The following CDK12 variants were observed in gnomAD, a reference collection of about 807,000 sequenced individuals.
The protein encoded by CDK12 is cyclin dependent kinase 12.
In CDK12, 17 loss-of-function variants were observed where a neutral mutation model predicts 133.8. The observed-to-expected ratio is 0.13, with a 90% CI of 0.09 to 0.19. CDK12 has a LOEUF of 0.19. Among genes scored for constraint, CDK12 ranks in the 10% least tolerant of loss-of-function variants. The probability of loss-of-function intolerance (pLI) is 1.00; values close to 1 mark genes in which losing one functional copy is unlikely to be tolerated. For synonymous variants in CDK12, 694 were observed against 683.6 expected (o/e 1.02, Z -0.24); for missense variants, 1,508 against 1,818.7 (o/e 0.83, Z 3.11).
chr17:39,475,356 CT>C (rs375337995), intron 2 of CDK12, among the ~76,000 whole-genome samples: 8 of 152,026 alleles, frequency 5.3e-5, no homozygotes, highest in African/African-American at 1.9e-4. Context: ...ACCTTTAGCC[CT>C]AGCTACTTGG....
intron 8 of CDK12, among the ~76,000 whole-genome samples, chr17:39,512,934 ATTATCC>A (rs1567761130): frequency 6.6e-6 from 1 of 152,100 alleles, no homozygotes; most frequent in Non-Finnish European, 1.5e-5. Context: ...CATTGTGGTT[ATTATCC>A]TTATTCTTGT....
chr17:39,466,322 A>G (rs2049304389), intron 1 of CDK12, among the ~76,000 whole-genome samples: 1 of 150,076 alleles, frequency 6.7e-6, no homozygotes, highest in South Asian at 2.1e-4. Context: ...AAAAAAAAAA[A>G]GAAAGAAAAA....
chr17:39,466,617 A>G lies in CDK12; in HGVS notation c.1046+3500A>G, dbSNP rs111630657. 2.2e-4 allele frequency among the ~76,000 whole-genome samples: 5 copies of G among 23,126 alleles called. No homozygotes were observed. The East Asian group carries it at 2.9e-3, about 13-fold the overall frequency. The allele number at this position is 23,126 out of a possible 152,430, so 15.2% of individuals were successfully genotyped here. A position where few individuals can be genotyped will look rare whatever the true frequency, so the allele number is the denominator to read the frequency against. ...GCAACAAGAGTGAAACTCTATCTGA[A>G]AAAAAAAAAAAAAAAAAAAAAAAAA... is the stretch of plus-strand genomic sequence containing the variant. On this transcript the variant is annotated intron_variant, in intron 1 of 13. Transcript: ENST00000447079.
At position 39,485,658 on chromosome 17, in the gene CDK12, G is replaced by A. The variant is rs563637155; in HGVS notation, c.1932-4899G>A. ...TTGATCTCCTGACCTCATGATCCCC[G>A]GCCTCGGCCCCCTAAAGTGCTGGGA... On this transcript the variant is annotated intron_variant, in intron 2 of 13. Coordinates refer to ENST00000447079, the MANE Select transcript of CDK12 (RefSeq NM_016507.4). Among the ~76,000 whole-genome samples the A allele has an allele frequency of 2.5e-4, 38 of 151,482 alleles. No individual in the cohort carries two copies. In the East Asian group the frequency reaches 6.6e-3, roughly 26 times the overall value.
intron 1 of CDK12, among the ~76,000 whole-genome samples, chr17:39,540,778 C>G (rs574093645): frequency 6.6e-6 from 1 of 152,194 alleles, no homozygotes; most frequent in East Asian, 1.9e-4. Context: ...TTTAGTGCGG[C>G]AGGCGGGGGT....
At chr17:39,524,008 G>C (rs1170340547) in intron 11 of CDK12, among the ~76,000 whole-genome samples, 1 of 152,200 alleles carries the variant, frequency 6.6e-6, no homozygotes, top group East Asian at 1.9e-4. Context: ...AACATATAAG[G>C]GTTTTACTGA....
chr17:39,491,506 G>T (rs2051598480), intron 3 of CDK12, among the ~76,000 whole-genome samples: 1 of 152,024 alleles, frequency 6.6e-6, no homozygotes, highest in South Asian at 2.1e-4. Context: ...AAAGTGCTGG[G>T]ATTACAGGCG....
intron 1 of CDK12, among the ~76,000 whole-genome samples, chr17:39,470,296 A>G (rs1021961172): frequency 2.0e-4 from 30 of 151,388 alleles, no homozygotes; most frequent in African/African-American, 7.0e-4. Context: ...AATTTTTTGT[A>G]TTTTTTAGTA....
chr17:39,524,578 C>T (rs2054380195), intron 11 of CDK12, 96 bp from the exon 12 acceptor site: 5 of 1,063,990 alleles, frequency 4.7e-6, no homozygotes, highest in Non-Finnish European at 4.2e-6. Flanking sequence ...TTTACATTTC[C>T]CACAGTCTTT....
At chr17:39,565,381 T>G (rs1487177229), downstream of CDK12, among the ~76,000 whole-genome samples, 1 of 151,762 alleles carries the variant, frequency 6.6e-6, no homozygotes, top group Non-Finnish European at 1.5e-5. Flanking sequence ...CCCAAAGTGC[T>G]GGGATTACAG....
intron 1 of CDK12, among the ~76,000 whole-genome samples, chr17:39,542,816 T>G (rs1004953402): frequency 6.6e-6 from 1 of 152,250 alleles, no homozygotes; most frequent in Admixed American, 6.5e-5. Context: ...AGTCTAAGAA[T>G]AATCTTTCAA....
chr17:39,566,609 C>T (rs2056584901), downstream of CDK12, among the ~76,000 whole-genome samples: 1 of 152,200 alleles, frequency 6.6e-6, no homozygotes. Context: ...CCAACCCGAG[C>T]CTTCTGTGGC....
At position 39,463,024 on chromosome 17, in the gene CDK12, C is replaced by G; in HGVS notation, c.953C>G (p.Ser318Cys). Residue 318 changes from serine to cysteine, a missense_variant, in exon 1 of 14, where the codon TCT becomes TGT. Coordinates refer to ENST00000447079, the MANE Select transcript of CDK12 (RefSeq NM_016507.4). Reference sequence around the variant, plus strand: ...TCGTCCAGCTACGAAAGAAGTGGCTCTTACAGCGGGCGATCGCCCAGTCCC... The same window carrying G: ...TCGTCCAGCTACGAAAGAAGTGGCTGTTACAGCGGGCGATCGCCCAGTCCC... ...RRSSSYERSG[S>C]YSGRSPSPYG... 6.2e-7 allele frequency: 1 copy of G among 1,614,178 alleles called. No individual in the cohort carries two copies. Among genetic ancestry groups the G allele is most frequent in the Non-Finnish European group, 8.5e-7 (1 of 1,180,036 alleles).
Position 39,530,663 on chromosome 17 carries a change from C to T in CDK12, c.3820C>T (p.Pro1274Ser), listed in dbSNP as rs771987433. The change falls in exon 14 of 14, where the codon CCG (proline) becomes TCG (serine). Residue 1274 changes from proline to serine, a missense_variant. Around this residue, in one of 9 missense-constraint regions of CDK12, gnomAD observed 399 missense variants for 469.6 expected, o/e 0.85. Transcript: ENST00000447079. ...KRPPEPPGPP[P>S]PPPPPPLVEG... Reference sequence around the variant, plus strand: ...GCCCCCTGAGCCCCCCGGACCTCCACCGCCGCCACCTCCACCCCCTCTGGT... The same window carrying T: ...GCCCCCTGAGCCCCCCGGACCTCCATCGCCGCCACCTCCACCCCCTCTGGT... 5.0e-6 allele frequency: 8 copies of T among 1,611,176 alleles called. No homozygotes were observed. The highest frequency in any genetic ancestry group is 5.1e-6 in the Non-Finnish European group (6 of 1,178,228).
chr17:39,496,845 C>A (rs1240030624), intron 5 of CDK12, among the ~76,000 whole-genome samples: 1 of 150,320 alleles, frequency 6.7e-6, no homozygotes, highest in Non-Finnish European at 1.5e-5. Flanking sequence ...TGTCAGATTC[C>A]TTTTAAGAAA....
At chr17:39,513,768 A>G (rs1293544060) in intron 8 of CDK12, among the ~76,000 whole-genome samples, 4 of 152,196 alleles carry the variant, frequency 2.6e-5, no homozygotes, top group Admixed American at 2.6e-4. Flanking sequence ...TTGAATTAAG[A>G]TTTTGTTTGA....
chr17:39,467,252 C>T (rs1480068861), intron 1 of CDK12, among the ~76,000 whole-genome samples: 1 of 152,162 alleles, frequency 6.6e-6, no homozygotes, highest in Non-Finnish European at 1.5e-5. Context: ...GCTGGGATTA[C>T]AGGCATGAGC....
In CDK12 at chr17:39,462,062, G is replaced by C. The variant is rs1597891279; in HGVS notation, c.-10G>C. The stretch of plus-strand genomic sequence containing the variant: ...AACTTTTTTCCCTTCTTCAGGTCAG[G>C]GGAAAGGGAATGCCCAATTCAGAGA... On this transcript the variant is annotated 5_prime_UTR_variant, in exon 1 of 14. Transcript: ENST00000447079. 1.2e-5 allele frequency: 19 copies of C among 1,611,272 alleles called. No individual in the cohort carries two copies. The East Asian group carries it at 4.2e-4, about 36-fold the overall frequency.
chr17:39,509,887 A>G (rs967617289), intron 7 of CDK12, 126 bp downstream of exon 7: 22 of 716,254 alleles, frequency 3.1e-5, no homozygotes, highest in Middle Eastern at 3.1e-4. Context: ...TGCAGCCTCA[A>G]CCTCTGTGGG....
Sources: gnomAD v4.1 joint callset for allele counts (sites outside exome capture counted in the v4.1 genomes callset) on GRCh38, gnomAD v4.1.1 for gene constraint, gnomAD v4.1.1 regional missense constraint, MANE v1.5 for transcripts, NCBI Gene and HGNC (gene_info 2026-07-23, HGNC 2026-07-21) for gene names.